CDC42BPB: variants seen among roughly 807,000 people sequenced by gnomAD.
The protein encoded by CDC42BPB is serine/threonine-protein kinase MRCK beta.
Under a neutral mutation model 214.9 loss-of-function variants are expected in CDC42BPB, and 37 were observed. The observed-to-expected ratio is 0.17, with a 90% CI of 0.13 to 0.23. The LOEUF is 0.23. Ranked by LOEUF, CDC42BPB falls within the 10% of genes least tolerant of loss-of-function variation. CDC42BPB has a pLI of 1.00. For missense variants in CDC42BPB, 1,694 were observed against 2,227.0 expected (o/e 0.76, Z 4.82); for synonymous variants, 931 against 884.0 (o/e 1.05, Z -0.94).
chr14:103,027,587 G>A (rs1312287950), intron 1 of CDC42BPB, among the ~76,000 whole-genome samples: 1 of 152,154 alleles, frequency 6.6e-6, no homozygotes, highest in Non-Finnish European at 1.5e-5. Context: ...ACCTTGAAAA[G>A]ATTATGCTAA....
In CDC42BPB at chr14:102,933,276, G is replaced by T. The variant is rs1156433950; in HGVS notation, c.*436C>A. On this transcript the variant is annotated 3_prime_UTR_variant, in exon 37 of 37. Transcript: ENST00000361246. ...TCTAGTGACACTGGGAATGCTATAGGACCTCCTACTATTCTCTTAAGGTCC... is the reference window on the plus strand; with the variant it reads ...TCTAGTGACACTGGGAATGCTATAGTACCTCCTACTATTCTCTTAAGGTCC... 1 of 157,924 alleles carries T rather than the reference G, an allele frequency of 6.3e-6. No individual in the cohort carries two copies. Among genetic ancestry groups the T allele is most frequent in the East Asian group, 1.8e-4 (1 of 5,422 alleles). 9.8% of individuals were successfully genotyped at this position (157,924 alleles called of 1,614,324 possible).
At chr14:102,945,508 T>C (rs1242853941) in intron 29 of CDC42BPB, among the ~76,000 whole-genome samples, 154 bp downstream of exon 29, 1 of 152,274 alleles carries the variant, frequency 6.6e-6, no homozygotes, top group Non-Finnish European at 1.5e-5. Context: ...CGCGTCGCCA[T>C]GCACTCGATG....
At chr14:103,041,741 C>T (rs1023340845) in intron 1 of CDC42BPB, 1 of 538,222 alleles carries the variant, frequency 1.9e-6, no homozygotes, top group Non-Finnish European at 3.4e-6. Flanking sequence ...GTGGCCCAGA[C>T]CATTAGCATC....
intron 24 of CDC42BPB, 162 bp from the exon 25 acceptor site, chr14:102,950,764 G>C: frequency 1.2e-6 from 1 of 818,940 alleles, no homozygotes; most frequent in Non-Finnish European, 1.5e-6. Context: ...TCAGCAGTTT[G>C]AGACCAGCCT....
intron 28 of CDC42BPB, 99 bp downstream of exon 28, chr14:102,946,369 T>G: frequency 7.5e-7 from 1 of 1,329,602 alleles, no homozygotes; most frequent in African/African-American, 1.5e-5. Flanking sequence ...CAAACCCAAA[T>G]GGACCTGTGA....
At chr14:103,053,596 C>G (rs895183812) in intron 1 of CDC42BPB, among the ~76,000 whole-genome samples, 1 of 150,244 alleles carries the variant, frequency 6.7e-6, no homozygotes, top group Non-Finnish European at 1.5e-5. Flanking sequence ...CCCGTCTCTA[C>G]TAAAAATACA....
intron 36 of CDC42BPB, among the ~76,000 whole-genome samples, chr14:102,935,045 G>C (rs1478492536): frequency 6.6e-6 from 1 of 150,472 alleles, no homozygotes; most frequent in Non-Finnish European, 1.5e-5. Flanking sequence ...AAAGAAAAAA[G>C]ATCAGCAACA....
At chr14:103,023,127 T>C (rs1406092735) in intron 1 of CDC42BPB, among the ~76,000 whole-genome samples, 1 of 150,504 alleles carries the variant, frequency 6.6e-6, no homozygotes, top group Admixed American at 6.6e-5. Flanking sequence ...CCCCTCAGTC[T>C]CCCGAGTAGC....
At chr14:102,998,391 C>T (rs1460251618) in intron 5 of CDC42BPB, among the ~76,000 whole-genome samples, 2 of 152,190 alleles carry the variant, frequency 1.3e-5, no homozygotes, top group Admixed American at 6.5e-5. Flanking sequence ...GTGTAATCAG[C>T]GGGGCCAGGG....
intron 1 of CDC42BPB, among the ~76,000 whole-genome samples, chr14:103,015,532 C>T (rs1436867999): frequency 6.6e-6 from 1 of 152,112 alleles, no homozygotes. Flanking sequence ...TTAGCTACAA[C>T]TAGAAAGGAA....
At chr14:102,983,033 GA>G (rs755094758) in intron 7 of CDC42BPB, among the ~76,000 whole-genome samples, 2 of 152,164 alleles carry the variant, frequency 1.3e-5, no homozygotes, top group Non-Finnish European at 2.9e-5. Context: ...AGGAAAAGAG[GA>G]AACAGGATGG....
intron 1 of CDC42BPB, among the ~76,000 whole-genome samples, chr14:103,036,153 CTT>C (rs564909240): frequency 2.9e-4 from 40 of 135,892 alleles, no homozygotes; most frequent in Admixed American, 5.2e-4. Context: ...ATAAAATATT[CTT>C]TTTTTTTTTT....
In CDC42BPB at chr14:102,944,712, G is replaced by A; in HGVS notation, c.3812-225C>T. 1.0e-6 allele frequency: 1 copy of A among 973,434 alleles called. No homozygotes were observed. 60.3% of individuals were successfully genotyped at this position (973,434 alleles called of 1,614,324 possible). On this transcript the variant is annotated intron_variant, in intron 29 of 36. Transcript: ENST00000361246. This position sits in a 1 kb window ranked among gnomAD's most constrained non-coding sequence, Gnocchi z 6.6. ...CCCACATCCACAGCGCGCTCCTGGGGCAGCCTCGGGGGCTGGTCCAAAGGC... is the reference window on the plus strand; with the variant it reads ...CCCACATCCACAGCGCGCTCCTGGGACAGCCTCGGGGGCTGGTCCAAAGGC...
chr14:103,031,416 A>G (rs1460445487), intron 1 of CDC42BPB, among the ~76,000 whole-genome samples: 3 of 152,248 alleles, frequency 2.0e-5, no homozygotes, highest in African/African-American at 4.8e-5. Context: ...ATAAAACTTT[A>G]CGGCAAAGTC....
intron 1 of CDC42BPB, among the ~76,000 whole-genome samples, chr14:103,027,332 A>C (rs569161190): frequency 2.0e-5 from 3 of 152,232 alleles, no homozygotes; most frequent in Admixed American, 6.5e-5. Flanking sequence ...AAACAGGAGA[A>C]ATCAAAGCAT....
At chr14:102,959,838 TAA>T (rs35833302) in intron 20 of CDC42BPB, 128 bp from the exon 21 acceptor site, 25,850 of 705,456 alleles carry the variant, frequency 0.037, no homozygotes, top group Non-Finnish European at 0.039. Context: ...TGATCACAAT[TAA>T]AAAAAAAAAA....
At position 102,964,549 on chromosome 14, in the gene CDC42BPB, G is replaced by C. The variant is rs146316587; in HGVS notation, c.2679C>G (p.Val893=). 14 of 1,613,856 alleles carry C rather than the reference G, an allele frequency of 8.7e-6. No individual in the cohort carries two copies. The African/African-American group carries it at 1.5e-4, about 17-fold the overall frequency. ...CCTTGACCTTCCTGAGCTCCTCCTG[G>C]ACAAGCTGCTTGGCCCGGATCTCCG... ...LEAEIRAKQL[V]QEELRKVKDA... Residue 893 remains valine (V), a synonymous_variant, in exon 19 of 37, where the codon GTC becomes GTG. Transcript: ENST00000361246.
chr14:102,959,760 T>C (rs1242384879), intron 20 of CDC42BPB, 50 bp from the exon 21 acceptor site: 77 of 1,552,618 alleles, frequency 5.0e-5, no homozygotes, highest in Non-Finnish European at 6.2e-5. Context: ...AAAGTCTACA[T>C]ATTATTTTCA....
intron 11 of CDC42BPB, among the ~76,000 whole-genome samples, chr14:102,975,404 TC>T (rs1239855149): frequency 6.6e-6 from 1 of 152,058 alleles, no homozygotes; most frequent in Non-Finnish European, 1.5e-5. Flanking sequence ...ATGCCTGTAA[TC>T]CCAGCTACTT....
Sources: allele counts gnomAD v4.1 joint callset (sites outside exome capture counted in the v4.1 genomes callset), GRCh38; gene constraint gnomAD v4.1.1; non-coding constraint Gnocchi (gnomAD v3.1); transcripts MANE v1.5; gene names NCBI Gene and HGNC (gene_info 2026-07-23, HGNC 2026-07-21).